ZSWIM5: variants seen among roughly 807,000 people sequenced by gnomAD.
The protein encoded by ZSWIM5 is zinc finger SWIM domain-containing protein 5.
A neutral mutation model predicts 119.6 loss-of-function variants in ZSWIM5; 55 were observed. The observed-to-expected ratio is 0.46, with a 90% CI of 0.37 to 0.58. The LOEUF (loss-of-function observed/expected upper bound fraction) is 0.58, where lower values mean the gene tolerates loss of function less well. Among genes scored for constraint, ZSWIM5 ranks in the 20% least tolerant of loss-of-function variants. The probability of loss-of-function intolerance (pLI) is 0.00; values close to 1 mark genes in which losing one functional copy is unlikely to be tolerated. For synonymous variants in ZSWIM5, 537 were observed against 606.9 expected, an observed-to-expected ratio of 0.88 and a Z score of 1.69; for missense variants, 1,193 against 1,512.8, an observed-to-expected ratio of 0.79 and a Z score of 3.51.
chr1:45,046,519 G>C (rs569163520), intron 5 of ZSWIM5, among the ~76,000 whole-genome samples: 1 of 152,156 alleles, frequency 6.6e-6, no homozygotes, highest in Non-Finnish European at 1.5e-5. Context: ...GCAGGTTTGC[G>C]TGGGGCTTGA....
intron 1 of ZSWIM5, among the ~76,000 whole-genome samples, chr1:45,099,828 G>C (rs904327911): frequency 2.0e-5 from 3 of 152,070 alleles, no homozygotes; most frequent in Non-Finnish European, 2.9e-5. Flanking sequence ...TGCAGAAAAG[G>C]CCTTCAACAA....
At chr1:45,123,464 T>A in intron 1 of ZSWIM5, among the ~76,000 whole-genome samples, 1 of 151,688 alleles carries the variant, frequency 6.6e-6, no homozygotes, top group Non-Finnish European at 1.5e-5. Flanking sequence ...ATACAATAAC[T>A]GAAATAAAAA....
intron 6 of ZSWIM5, among the ~76,000 whole-genome samples, chr1:45,042,570 G>A (rs1202696730): frequency 1.3e-5 from 2 of 152,124 alleles, no homozygotes; most frequent in Non-Finnish European, 1.5e-5. Flanking sequence ...AGGGAATTGG[G>A]AGAAGACAAT....
intron 1 of ZSWIM5, among the ~76,000 whole-genome samples, chr1:45,138,876 G>GTTTTTC (rs893139089): frequency 2.7e-5 from 4 of 150,726 alleles, no homozygotes; most frequent in Non-Finnish European, 4.4e-5. Flanking sequence ...TAGAAATTTC[G>GTTTTTC]TTTTTCTTTT....
intron 1 of ZSWIM5, among the ~76,000 whole-genome samples, chr1:45,173,227 A>G (rs1264169623): frequency 6.6e-6 from 1 of 152,174 alleles, no homozygotes; most frequent in Non-Finnish European, 1.5e-5. Context: ...TTACTTTTGC[A>G]TGAATACATA....
chr1:45,201,420 G>A (rs147670650), intron 1 of ZSWIM5, among the ~76,000 whole-genome samples: 3 of 151,882 alleles, frequency 2.0e-5, no homozygotes, highest in South Asian at 2.1e-4. Context: ...TATTTTCTAC[G>A]GTATCATATA....
At chr1:45,056,190 G>A (rs1287950968) in intron 4 of ZSWIM5, among the ~76,000 whole-genome samples, 1 of 152,190 alleles carries the variant, frequency 6.6e-6, no homozygotes, top group Non-Finnish European at 1.5e-5. Context: ...AGTGACCACA[G>A]ATAATTTTTT....
intron 1 of ZSWIM5, among the ~76,000 whole-genome samples, chr1:45,112,400 GAAT>G (rs1462665579): frequency 6.6e-6 from 1 of 152,124 alleles, no homozygotes; most frequent in Non-Finnish European, 1.5e-5. Flanking sequence ...CTGTAAAATG[GAAT>G]AATAATAGTA....
chr1:45,177,927 C>T (rs1275252029), intron 1 of ZSWIM5, among the ~76,000 whole-genome samples: 3 of 151,866 alleles, frequency 2.0e-5, no homozygotes, highest in South Asian at 2.1e-4. Context: ...TAAATTCATT[C>T]CACAAGGGTG....
intron 1 of ZSWIM5, among the ~76,000 whole-genome samples, chr1:45,193,922 A>G (rs1041450481): frequency 1.3e-5 from 2 of 148,298 alleles, no homozygotes; most frequent in African/African-American, 5.0e-5. Context: ...GTATGTGTAC[A>G]TATGTGTGCA....
intron 8 of ZSWIM5, among the ~76,000 whole-genome samples, chr1:45,037,594 A>G (rs1287661287): frequency 6.6e-6 from 1 of 152,230 alleles, no homozygotes; most frequent in Non-Finnish European, 1.5e-5. Context: ...GTTAGTGGTG[A>G]ATGAATAAAC....
At chr1:45,158,037 ATTCTT>A (rs1388692395) in intron 1 of ZSWIM5, among the ~76,000 whole-genome samples, 6 of 152,230 alleles carry the variant, frequency 3.9e-5, no homozygotes, top group Non-Finnish European at 8.8e-5. Context: ...AGTTGTTAGC[ATTCTT>A]TAGCTATCTT....
intron 1 of ZSWIM5, among the ~76,000 whole-genome samples, chr1:45,091,680 C>T (rs1379532404): frequency 6.6e-6 from 1 of 151,820 alleles, no homozygotes; most frequent in East Asian, 1.9e-4. Context: ...AACAAACAAA[C>T]AAAAAACAAC....
chr1:45,087,202 A>G (rs975576574), intron 2 of ZSWIM5, among the ~76,000 whole-genome samples: 17 of 152,102 alleles, frequency 1.1e-4, no homozygotes, highest in South Asian at 2.1e-4. Context: ...AAAATTTTCA[A>G]TGGTTTTCTA....
At chr1:45,060,290 A>G (rs375622063) in intron 2 of ZSWIM5, 43 bp from the exon 3 acceptor site, 5 of 1,598,132 alleles carry the variant, frequency 3.1e-6, no homozygotes, top group African/African-American at 1.3e-5. Context: ...CTGAGTTCAC[A>G]TGCTACACAT....
intron 1 of ZSWIM5, among the ~76,000 whole-genome samples, chr1:45,173,614 T>C (rs1645959103): frequency 1.3e-5 from 2 of 152,104 alleles, no homozygotes; most frequent in South Asian, 2.1e-4. Flanking sequence ...CCCACATAAC[T>C]ATATAAATTT....
chr1:45,070,215 A>T lies in ZSWIM5; in HGVS notation c.953-9968T>A, dbSNP rs1009878411. On this transcript the variant is annotated intron_variant, in intron 2 of 13. Coordinates refer to ENST00000359600, the MANE Select transcript of ZSWIM5 (RefSeq NM_020883.2). ...ATTTACTTTGTAGGCCAAGAAAGCT[A>T]CTGGCCTCTGATGCCCATGTTCATC... 6.9e-6 allele frequency: 10 copies of T among 1,442,230 alleles called. No homozygotes were observed. The African/African-American group carries it at 1.4e-4, about 20-fold the overall frequency. 89.3% of individuals were successfully genotyped at this position (1,442,230 alleles called of 1,614,324 possible).
chr1:45,190,077 G>T (rs990016096), intron 1 of ZSWIM5, among the ~76,000 whole-genome samples: 5 of 152,184 alleles, frequency 3.3e-5, no homozygotes, highest in African/African-American at 1.2e-4. Flanking sequence ...ACTATGGGAG[G>T]CTGAAGCAGG....
intron 1 of ZSWIM5, among the ~76,000 whole-genome samples, chr1:45,178,047 A>G (rs971202747): frequency 2.6e-5 from 4 of 151,090 alleles, no homozygotes; most frequent in Non-Finnish European, 5.9e-5. Context: ...ATGTGATTTT[A>G]TCTAAGGGAC....
Sources: allele counts gnomAD v4.1 joint callset (sites outside exome capture counted in the v4.1 genomes callset), GRCh38; gene constraint gnomAD v4.1.1; transcripts MANE v1.5; gene names NCBI Gene and HGNC (gene_info 2026-07-23, HGNC 2026-07-21).